GPHN: variants seen among roughly 807,000 people sequenced by gnomAD.
GPHN encodes the protein gephyrin.
In GPHN, 17 loss-of-function variants were observed where a neutral mutation model predicts 95.5. The ratio of observed to expected loss-of-function variants is 0.18; its 90% confidence interval spans 0.12 to 0.27. The LOEUF (loss-of-function observed/expected upper bound fraction) is 0.27, where lower values mean the gene tolerates loss of function less well. GPHN is among the 10% of genes least tolerant of loss of function. GPHN has a pLI of 1.00. For synonymous variants in GPHN, 320 were observed against 322.5 expected (o/e 0.99, Z 0.08); for missense variants, 660 against 978.1 (o/e 0.67, Z 4.34).
At chr14:67,546,696 C>T in the GPHN span, among the ~76,000 whole-genome samples, 674 of 152,246 alleles carry the variant, frequency 4.4e-3, 18 homozygotes, top group East Asian at 0.062. Context: ...AGGCAGCAGA[C>T]ACATGTTTTT....
chr14:67,379,213 T>A, the GPHN span, among the ~76,000 whole-genome samples: 1 of 152,244 alleles, frequency 6.6e-6, no homozygotes, highest in Admixed American at 6.5e-5. Flanking sequence ...GAGTTTCTAA[T>A]ATATATGCCT....
chr14:67,186,734 C>T (rs1047936036), downstream of GPHN, among the ~76,000 whole-genome samples: 1 of 152,246 alleles, frequency 6.6e-6, no homozygotes, highest in African/African-American at 2.4e-5. Flanking sequence ...ACACAAGTCT[C>T]TTCTTCCCTC....
chr14:67,376,409 G>T, the GPHN span: 1 of 1,554,360 alleles, frequency 6.4e-7, no homozygotes, highest in Non-Finnish European at 8.7e-7. Flanking sequence ...TCTTATCTTT[G>T]AATTGTTGAG....
At chr14:67,382,398 TG>T in the GPHN span, 45 of 1,523,660 alleles carry the variant, frequency 3.0e-5, no homozygotes, top group East Asian at 4.1e-4. Flanking sequence ...CTAATAGTTG[TG>T]GGTTCTGTAG....
intron 19 of GPHN, among the ~76,000 whole-genome samples, chr14:67,161,350 A>G (rs1285503048): frequency 6.6e-6 from 1 of 151,940 alleles, no homozygotes; most frequent in Non-Finnish European, 1.5e-5. Context: ...TTACGCAAAT[A>G]TTGTTATGCT....
the GPHN span, among the ~76,000 whole-genome samples, chr14:67,300,665 T>A: frequency 6.6e-6 from 1 of 151,908 alleles, no homozygotes; most frequent in Non-Finnish European, 1.5e-5. Flanking sequence ...TGAAGCACCA[T>A]AAATAGTAGG....
the GPHN span, among the ~76,000 whole-genome samples, chr14:67,560,747 T>G: frequency 7.0e-3 from 989 of 140,348 alleles, 8 homozygotes; most frequent in African/African-American, 0.024. Flanking sequence ...TTTTTTTTTT[T>G]GAGACGGAGT....
the GPHN span, chr14:67,727,246 C>T: frequency 7.1e-7 from 1 of 1,404,394 alleles, no homozygotes; most frequent in South Asian, 1.2e-5. Flanking sequence ...ATTAGAGGTC[C>T]ACAGCAACTT....
Position 66,508,428 on chromosome 14 carries a change from C to T in GPHN, c.-100C>T. 2 of 1,038,728 alleles carry T rather than the reference C, an allele frequency of 1.9e-6. No individual in the cohort carries two copies. The highest frequency in any genetic ancestry group is 2.5e-5 in the South Asian group (2 of 79,624). The allele number at this position is 1,038,728 out of a possible 1,614,324, so 64.3% of individuals were successfully genotyped here. On this transcript the variant is annotated 5_prime_UTR_variant, in exon 1 of 23. Transcript: ENST00000478722. ...GCTCTCCTCGCGCTTCTCTGGCTCCCTAGCTGTCGCGCTCTCCTCGGCGAG... is the reference window on the plus strand; with the variant it reads ...GCTCTCCTCGCGCTTCTCTGGCTCCTTAGCTGTCGCGCTCTCCTCGGCGAG...
chr14:67,362,468 T>C, the GPHN span, among the ~76,000 whole-genome samples: 2 of 152,250 alleles, frequency 1.3e-5, no homozygotes, highest in African/African-American at 4.8e-5. Flanking sequence ...GTTTTCAAAA[T>C]GTTTTTACGT....
At chr14:67,025,813 A>G (rs2073895427) in intron 10 of GPHN, among the ~76,000 whole-genome samples, 1 of 152,218 alleles carries the variant, frequency 6.6e-6, no homozygotes, top group South Asian at 2.1e-4. Flanking sequence ...CCATGCCATT[A>G]TATGACTTAA....
the GPHN span, among the ~76,000 whole-genome samples, chr14:67,572,609 T>C: frequency 1.9e-3 from 256 of 132,898 alleles, no homozygotes; most frequent in African/African-American, 6.1e-3. Context: ...TAACATTTAT[T>C]GAACTCTTGG....
chr14:67,140,383 TA>T lies in GPHN; in HGVS notation c.1749-2962del, dbSNP rs59560735. On this transcript the variant is annotated intron_variant, in intron 17 of 22. Transcript: ENST00000478722. ...TGGGCAACAAGAGCAAGACTCCATCTAAAAAAAAAAAAAAAAAGTACGATAA... is the reference window on the plus strand; with the variant it reads ...TGGGCAACAAGAGCAAGACTCCATCTAAAAAAAAAAAAAAAAGTACGATAA... Among the ~76,000 whole-genome samples, 988 of 129,610 alleles carry T rather than the reference TA, an allele frequency of 7.6e-3. 7 individuals are homozygous for T. Among genetic ancestry groups the T allele is most frequent in the African/African-American group, 0.016 (606 of 37,862 alleles). 85.0% of individuals were successfully genotyped at this position (129,610 alleles called of 152,430 possible). A position where few individuals can be genotyped will look rare whatever the true frequency, so the allele number is the denominator to read the frequency against.
chr14:66,685,575 T>C (rs192440411), intron 2 of GPHN, among the ~76,000 whole-genome samples: 1,846 of 152,364 alleles, frequency 0.012, 20 homozygotes, highest in Non-Finnish European at 0.018. Context: ...GTTCATATCC[T>C]TCACCCACTT....
intron 18 of GPHN, among the ~76,000 whole-genome samples, chr14:67,144,071 A>C (rs978630271): frequency 1.3e-5 from 2 of 150,016 alleles, no homozygotes; most frequent in South Asian, 2.1e-4. Context: ...CCCCATCTCT[A>C]CAAAAAAAAT....
the GPHN span, among the ~76,000 whole-genome samples, chr14:67,250,134 G>A: frequency 2.0e-5 from 3 of 152,100 alleles, no homozygotes; most frequent in African/African-American, 4.8e-5. Flanking sequence ...GTAGATAGAC[G>A]AAAGTAACCC....
At chr14:67,023,512 A>T in intron 9 of GPHN, 121 bp from the exon 10 acceptor site, 1 of 706,988 alleles carries the variant, frequency 1.4e-6, no homozygotes, top group South Asian at 1.6e-5. Flanking sequence ...ATGTTATGAC[A>T]TCTGAAATAC....
chr14:67,192,881 TATATCTAGATATCG>T, the GPHN span, among the ~76,000 whole-genome samples: 2 of 146,608 alleles, frequency 1.4e-5, no homozygotes, highest in Non-Finnish European at 3.0e-5. Flanking sequence ...TATATAGATA[TATATCTAGATATCG>T]ATATCTAGAT....
chr14:67,397,991 G>T, the GPHN span: 1 of 499,876 alleles, frequency 2.0e-6, no homozygotes, highest in Non-Finnish European at 3.5e-6. Context: ...ACGTAGCAAA[G>T]ACCTTTGGCA....
Sources: gnomAD v4.1 joint callset for allele counts (sites outside exome capture counted in the v4.1 genomes callset) on GRCh38, gnomAD v4.1.1 for gene constraint, MANE v1.5 for transcripts, NCBI Gene and HGNC (gene_info 2026-07-23, HGNC 2026-07-21) for gene names.